Variants in NSUN6 observed in about 807,000 individuals in gnomAD.
NSUN6 encodes the protein tRNA (cytosine(72)-C(5))-methyltransferase NSUN6.
Under a neutral mutation model 58.0 loss-of-function variants are expected in NSUN6, and 64 were observed. The observed-to-expected ratio is 1.10, with a 90% CI of 0.90 to 1.36. The LOEUF (loss-of-function observed/expected upper bound fraction) is 1.36, where lower values mean the gene tolerates loss of function less well. Among genes scored for constraint, NSUN6 ranks in the 40% most tolerant of loss-of-function variants. The probability of loss-of-function intolerance (pLI) is 0.00; values close to 1 mark genes in which losing one functional copy is unlikely to be tolerated. For missense variants in NSUN6, 701 were observed against 550.1 expected (o/e 1.27, Z -2.74); for synonymous variants, 231 against 193.9 (o/e 1.19, Z -1.59).
chr10:18,566,660 T>C (rs2055979638), intron 8 of NSUN6, among the ~76,000 whole-genome samples: 1 of 151,170 alleles, frequency 6.6e-6, no homozygotes, highest in South Asian at 2.1e-4. Flanking sequence ...CATTCTATTC[T>C]CCATTCCATT....
intron 3 of NSUN6, among the ~76,000 whole-genome samples, chr10:18,634,534 A>G (rs1339181819): frequency 6.6e-6 from 1 of 151,764 alleles, no homozygotes; most frequent in Non-Finnish European, 1.5e-5. Context: ...GGTGGATCAC[A>G]AAGTCAGGAG....
chr10:18,640,116 G>A (rs1408488918), intron 3 of NSUN6, among the ~76,000 whole-genome samples: 2 of 152,196 alleles, frequency 1.3e-5, no homozygotes, highest in East Asian at 1.9e-4. Context: ...TTACATAATC[G>A]TGGAACGATA....
intron 9 of NSUN6, 158 bp downstream of exon 9, chr10:18,551,665 T>C (rs1564700898): frequency 1.2e-5 from 7 of 576,058 alleles, no homozygotes; most frequent in Non-Finnish European, 2.2e-5. Context: ...TGTATGGATA[T>C]AGCACATTCT....
intron 8 of NSUN6, among the ~76,000 whole-genome samples, chr10:18,561,792 T>C (rs2055533081): frequency 6.8e-6 from 1 of 146,866 alleles, no homozygotes. Context: ...GAATGGAGAA[T>C]ACAATGGAAT....
intron 8 of NSUN6, among the ~76,000 whole-genome samples, chr10:18,577,503 A>G (rs1367149882): frequency 6.6e-6 from 1 of 152,146 alleles, no homozygotes; most frequent in Non-Finnish European, 1.5e-5. Flanking sequence ...GCTCATAGAA[A>G]TGGCACTTAC....
At chr10:18,615,440 G>A (rs1221146253) in intron 4 of NSUN6, among the ~76,000 whole-genome samples, 1 of 152,112 alleles carries the variant, frequency 6.6e-6, no homozygotes, top group African/African-American at 2.4e-5. Flanking sequence ...TTCCTGTAAA[G>A]GGCAAATAAA....
chr10:18,591,286 C>G (rs1350165557), intron 7 of NSUN6, among the ~76,000 whole-genome samples: 1 of 152,084 alleles, frequency 6.6e-6, no homozygotes, highest in Non-Finnish European at 1.5e-5. Flanking sequence ...GGATTCACAG[C>G]AAAATTCTAC....
chr10:18,603,280 T>C (rs1481084564), intron 6 of NSUN6, among the ~76,000 whole-genome samples: 3 of 151,854 alleles, frequency 2.0e-5, no homozygotes, highest in Non-Finnish European at 4.4e-5. Flanking sequence ...AAATACAGAA[T>C]CAAAACAGTA....
intron 3 of NSUN6, among the ~76,000 whole-genome samples, chr10:18,629,152 C>T (rs1365204864): frequency 6.6e-6 from 1 of 152,096 alleles, no homozygotes; most frequent in African/African-American, 2.4e-5. Context: ...TCCACCCAAA[C>T]TAAGCTTCAT....
chr10:18,631,086 A>AGGCT (rs773329288), intron 3 of NSUN6, among the ~76,000 whole-genome samples: 1 of 152,166 alleles, frequency 6.6e-6, no homozygotes, highest in South Asian at 2.1e-4. Context: ...CTGGGATGCA[A>AGGCT]GGCTGGTTCA....
chr10:18,610,777 A>T (rs2058205135), intron 5 of NSUN6, among the ~76,000 whole-genome samples: 1 of 152,222 alleles, frequency 6.6e-6, no homozygotes, highest in Non-Finnish European at 1.5e-5. Context: ...TGTCAGACAA[A>T]GCCAAGCCTG....
chr10:18,585,728 C>T (rs1344810749), intron 8 of NSUN6, among the ~76,000 whole-genome samples: 4 of 152,114 alleles, frequency 2.6e-5, no homozygotes, highest in South Asian at 4.1e-4. Flanking sequence ...TTGAGATCTA[C>T]TGCACAGCAT....
chr10:18,612,937 A>C lies in NSUN6; in HGVS notation c.575+1523T>G, dbSNP rs148377263. On this transcript the variant is annotated intron_variant, in intron 5 of 10. Transcript: ENST00000377304. The stretch of plus-strand genomic sequence containing the variant: ...GCAAAGGACTCAAATTCACTAACTG[A>C]ATAGCAATTGTACCATTAGTTGTGT... 4.2e-3 allele frequency among the ~76,000 whole-genome samples: 638 copies of C among 152,338 alleles called. 3 individuals are homozygous for C. The highest frequency in any genetic ancestry group is 8.0e-3 in the Admixed American group (122 of 15,296).
chr10:18,567,963 TCCATTCCATTCC>T (rs980370430), intron 8 of NSUN6, among the ~76,000 whole-genome samples: 5 of 151,172 alleles, frequency 3.3e-5, no homozygotes, highest in Non-Finnish European at 5.9e-5. Flanking sequence ...TATTCCTTTC[TCCATTCCATTCC>T]CCATTCCATT....
chr10:18,615,832 G>C (rs562351929), intron 4 of NSUN6, among the ~76,000 whole-genome samples: 1 of 152,272 alleles, frequency 6.6e-6, no homozygotes, highest in Non-Finnish European at 1.5e-5. Flanking sequence ...TCAGAGTCCA[G>C]GTTCTGGATG....
At chr10:18,610,479 T>C (rs2131321084) in intron 5 of NSUN6, among the ~76,000 whole-genome samples, 1 of 152,382 alleles carries the variant, frequency 6.6e-6, no homozygotes, top group East Asian at 1.9e-4. Context: ...ATTTTTCATT[T>C]AAGCACAAAT....
intron 6 of NSUN6, 64 bp downstream of exon 6, chr10:18,609,781 T>A: frequency 1.1e-6 from 1 of 898,246 alleles, no homozygotes; most frequent in Non-Finnish European, 1.8e-6. Flanking sequence ...ATATCCTAGA[T>A]TTCAAATAAT....
At chr10:18,546,715 CA>C (rs2054285830) in intron 10 of NSUN6, among the ~76,000 whole-genome samples, 1 of 151,558 alleles carries the variant, frequency 6.6e-6, no homozygotes, top group African/African-American at 2.4e-5. Context: ...CTGTCTCTAC[CA>C]AAAATACAAA....
At chr10:18,633,787 A>G (rs1315857885) in intron 3 of NSUN6, among the ~76,000 whole-genome samples, 1 of 152,198 alleles carries the variant, frequency 6.6e-6, no homozygotes, top group South Asian at 2.1e-4. Context: ...AAGCAGCCCA[A>G]GAAAAGAGAA....
Sources: gnomAD v4.1 joint callset for allele counts (sites outside exome capture counted in the v4.1 genomes callset) on GRCh38, gnomAD v4.1.1 for gene constraint, MANE v1.5 for transcripts, NCBI Gene and HGNC (gene_info 2026-07-23, HGNC 2026-07-21) for gene names.